SPMIP4: variants seen among roughly 807,000 people sequenced by gnomAD.
The protein encoded by SPMIP4 is sperm microtubule inner protein 4.
the SPMIP4 span, among the ~76,000 whole-genome samples, chr7:25,167,372 G>T: frequency 1.3e-5 from 2 of 152,230 alleles, no homozygotes; most frequent in African/African-American, 4.8e-5. Context: ...AAGGATGGCA[G>T]TATCTGCTTC....
the SPMIP4 span, among the ~76,000 whole-genome samples, chr7:25,170,153 C>A: frequency 6.6e-6 from 1 of 152,006 alleles, no homozygotes; most frequent in South Asian, 2.1e-4. Flanking sequence ...ACATTCCTAC[C>A]AACATTGTAT....
the SPMIP4 span, among the ~76,000 whole-genome samples, chr7:25,131,819 C>T: frequency 6.6e-6 from 1 of 152,200 alleles, no homozygotes; most frequent in Non-Finnish European, 1.5e-5. This position sits in a 1 kb window ranked among gnomAD's most constrained non-coding sequence, Gnocchi z 4.2. Flanking sequence ...CGAACCCAGG[C>T]ACTTAGCCCT....
chr7:25,146,725 G>T, the SPMIP4 span, among the ~76,000 whole-genome samples: 1 of 152,344 alleles, frequency 6.6e-6, no homozygotes, highest in East Asian at 1.9e-4. Context: ...TTTGCAGAAA[G>T]CTGGGTTGTA....
the SPMIP4 span, among the ~76,000 whole-genome samples, chr7:25,175,021 G>A: frequency 1.3e-5 from 2 of 152,206 alleles, no homozygotes; most frequent in South Asian, 4.1e-4. Context: ...CCATAGTCCT[G>A]GTTTTCTTAT....
At chr7:25,165,253 A>G in the SPMIP4 span, among the ~76,000 whole-genome samples, 1 of 151,684 alleles carries the variant, frequency 6.6e-6, no homozygotes, top group African/African-American at 2.4e-5. Flanking sequence ...TTTCCTCTTC[A>G]TTTTCCTTAT....
the SPMIP4 span, among the ~76,000 whole-genome samples, chr7:25,132,099 G>T: frequency 6.6e-6 from 1 of 152,202 alleles, no homozygotes; most frequent in Non-Finnish European, 1.5e-5. The surrounding 1 kb of genome is among the most constrained non-coding windows in gnomAD (Gnocchi z 5.0). Flanking sequence ...GACCCAAAGA[G>T]GGTAGCTGTT....
chr7:25,153,630 A>C, the SPMIP4 span, among the ~76,000 whole-genome samples: 1 of 152,210 alleles, frequency 6.6e-6, no homozygotes, highest in Non-Finnish European at 1.5e-5. Flanking sequence ...AACTATGTGT[A>C]CTTCAGATAA....
the SPMIP4 span, among the ~76,000 whole-genome samples, chr7:25,165,094 G>T: frequency 8.3e-4 from 126 of 152,204 alleles, 1 homozygote; most frequent in Admixed American, 7.2e-4. Context: ...GTGTGTACAA[G>T]TGTCTTTTTC....
the SPMIP4 span, chr7:25,135,364 A>G: frequency 1.0e-6 from 1 of 985,386 alleles, no homozygotes; most frequent in African/African-American, 1.7e-5. Context: ...GTACATGCAG[A>G]GAGTTTTGGG....
chr7:25,139,578 A>G, the SPMIP4 span, among the ~76,000 whole-genome samples: 1 of 152,210 alleles, frequency 6.6e-6, no homozygotes, highest in Non-Finnish European at 1.5e-5. Context: ...GGACTTAGGA[A>G]CATCCTTTTG....
At chr7:25,166,064 A>G in the SPMIP4 span, among the ~76,000 whole-genome samples, 1 of 152,194 alleles carries the variant, frequency 6.6e-6, no homozygotes, top group South Asian at 2.1e-4. Flanking sequence ...CAAACCACCA[A>G]TAAGGTTGCA....
At chr7:25,147,506 G>A in the SPMIP4 span, among the ~76,000 whole-genome samples, 6 of 152,090 alleles carry the variant, frequency 3.9e-5, no homozygotes, top group Admixed American at 6.6e-5. Flanking sequence ...AGCTAGGGCA[G>A]CTCTGGGGTC....
At chr7:25,172,466 G>A in the SPMIP4 span, among the ~76,000 whole-genome samples, 1 of 152,196 alleles carries the variant, frequency 6.6e-6, no homozygotes, top group Non-Finnish European at 1.5e-5. This position sits in a 1 kb window ranked among gnomAD's most constrained non-coding sequence, Gnocchi z 4.2. Context: ...CTAACAAGGT[G>A]TTTTGGTTAC....
At chr7:25,172,644 GT>G in the SPMIP4 span, among the ~76,000 whole-genome samples, 1 of 152,126 alleles carries the variant, frequency 6.6e-6, no homozygotes, top group Non-Finnish European at 1.5e-5. This position sits in a 1 kb window ranked among gnomAD's most constrained non-coding sequence, Gnocchi z 4.2. Flanking sequence ...GGAACCCAAA[GT>G]CAGAAGTGAC....
the SPMIP4 span, among the ~76,000 whole-genome samples, chr7:25,177,063 C>G: frequency 2.6e-5 from 4 of 152,180 alleles, no homozygotes; most frequent in African/African-American, 9.7e-5. Flanking sequence ...GAACCAGAAT[C>G]AGCAGGCAGA....
chr7:25,168,573 A>T, the SPMIP4 span: 2 of 917,194 alleles, frequency 2.2e-6, no homozygotes, highest in East Asian at 2.7e-5. Context: ...TTTCAGATTA[A>T]ATCTTCAGAA....
At chr7:25,137,314 T>TA in the SPMIP4 span, among the ~76,000 whole-genome samples, 7 of 139,774 alleles carry the variant, frequency 5.0e-5, no homozygotes, top group African/African-American at 1.8e-4. Context: ...TTTTTTTTTT[T>TA]TTTTTATTTT....
chr7:25,163,173 G>A, the SPMIP4 span, among the ~76,000 whole-genome samples: 1 of 152,168 alleles, frequency 6.6e-6, no homozygotes, highest in African/African-American at 2.4e-5. This position sits in a 1 kb window ranked among gnomAD's most constrained non-coding sequence, Gnocchi z 4.4. Context: ...ATACATGACG[G>A]CTAATAATCT....
the SPMIP4 span, chr7:25,136,258 G>C: frequency 6.2e-7 from 1 of 1,614,056 alleles, no homozygotes; most frequent in Non-Finnish European, 8.5e-7. This position sits in a 1 kb window ranked among gnomAD's most constrained non-coding sequence, Gnocchi z 5.7. Context: ...GAAAGCTTCC[G>C]TGTCTTGTTT....
Sources: gnomAD v4.1 joint callset for allele counts (sites outside exome capture counted in the v4.1 genomes callset) on GRCh38, gnomAD v4.1.1 for gene constraint, Gnocchi (gnomAD v3.1) non-coding constraint, MANE v1.5 for transcripts, NCBI Gene and HGNC (gene_info 2026-07-23, HGNC 2026-07-21) for gene names.